ATN1: variants seen among roughly 807,000 people sequenced by gnomAD.
ATN1 encodes atrophin-1.
A neutral mutation model predicts 85.8 loss-of-function variants in ATN1; 19 were observed. That is an observed-to-expected ratio of 0.22 (90% confidence interval 0.15 to 0.32). The LOEUF is 0.32. Among genes scored for constraint, ATN1 ranks in the 10% least tolerant of loss-of-function variants. The pLI is 1.00. For missense variants in ATN1, 1,453 were observed against 1,564.5 expected (o/e 0.93, Z 1.20); for synonymous variants, 674 against 657.0 (o/e 1.03, Z -0.39).
intron 1 of ATN1, 71 bp from the exon 2 acceptor site, chr12:6,933,769 G>T: frequency 1.6e-6 from 1 of 606,354 alleles, no homozygotes; most frequent in Non-Finnish European, 2.9e-6. Context: ...TCAGTTCTCT[G>T]ACAAGCAGAA....
In ATN1 at chr12:6,938,857, G is replaced by T; in HGVS notation, c.2894G>T (p.Gly965Val). ...CTGGAACCCCTACATGGGGTCCCTG[G>T]GCCGGGCTTGGATCCCTTTCCCCGA... ...SELEPLHGVP[G>V]PGLDPFPRHG... The change falls in exon 7 of 10, where the codon GGG (glycine) becomes GTG (valine). Residue 965 changes from glycine to valine, a missense_variant. Coordinates refer to ENST00000396684, the MANE Select transcript of ATN1 (RefSeq NM_001940.4). 6.2e-7 allele frequency: 1 copy of T among 1,614,116 alleles called. No individual in the cohort carries two copies. Among genetic ancestry groups the T allele is most frequent in the Non-Finnish European group, 8.5e-7 (1 of 1,180,012 alleles).
intron 1 of ATN1, among the ~76,000 whole-genome samples, chr12:6,932,538 T>C (rs1945478706): frequency 6.6e-6 from 1 of 152,210 alleles, no homozygotes; most frequent in Non-Finnish European, 1.5e-5. Context: ...CAGCTGGCTA[T>C]AGGGATTTGG....
Position 6,934,118 on chromosome 12 carries a change from C to T in ATN1, c.28-58C>T. 6.2e-7 allele frequency: 1 copy of T among 1,613,806 alleles called. No homozygotes were observed. The highest frequency in any genetic ancestry group is 2.2e-5 in the East Asian group (1 of 44,876). The stretch of plus-strand genomic sequence containing the variant: ...GAGAAGAAGAACAAATAATGTGCAC[C>T]ATAAAGTTAGGTGCAATGTAAAGAA... On this transcript the variant is annotated intron_variant, in intron 2 of 9. Transcript: ENST00000396684. This position sits in a 1 kb window ranked among gnomAD's most constrained non-coding sequence, Gnocchi z 4.5.
intron 6 of ATN1, 142 bp from the exon 7 acceptor site, chr12:6,938,339 C>T (rs1945581525): frequency 7.5e-7 from 1 of 1,324,672 alleles, no homozygotes; most frequent in Non-Finnish European, 1.0e-6. Context: ...GGAGCGGGGG[C>T]CGCAGTTAAG....
At position 6,936,773 on chromosome 12, in the gene ATN1, G is replaced by GCAGCAGCAGCAGCAGCAT. The variant is rs782468714; in HGVS notation, c.1508_1509insGCAGCAGCAGCAGCATCA (p.Gln502_His503insGlnGlnGlnGlnGlnHis). The stretch of plus-strand genomic sequence containing the variant: ...AGCAGCAGCAGCAGCAGCAGCAGCA[G>GCAGCAGCAGCAGCAGCAT]CATCACGGAAACTCTGGGCCCCCTC... On this transcript the variant is annotated inframe_insertion, in exon 5 of 10. Transcript: ENST00000396684. The GCAGCAGCAGCAGCAGCAT allele has an allele frequency of 2.3e-5, 37 of 1,590,274 alleles. No homozygotes were observed. Among genetic ancestry groups the GCAGCAGCAGCAGCAGCAT allele is most frequent in the East Asian group, 4.5e-5 (2 of 44,028 alleles).
chr12:6,929,807 C>T (rs1945438828), intron 1 of ATN1, among the ~76,000 whole-genome samples: 1 of 152,238 alleles, frequency 6.6e-6, no homozygotes, highest in Non-Finnish European at 1.5e-5. Context: ...GCAGTTGGTT[C>T]TGACCTCTAC....
rs1230131817 is a variant in ATN1, at chr12:6,937,780, C to A, written c.2295-65C>A. 1.4e-6 allele frequency: 2 copies of A among 1,475,670 alleles called. No individual in the cohort carries two copies. The highest frequency in any genetic ancestry group is 1.4e-5 in the South Asian group (1 of 72,692). The allele number at this position is 1,475,670 out of a possible 1,614,324, so 91.4% of individuals were successfully genotyped here. A position where few individuals can be genotyped will look rare whatever the true frequency, so the allele number is the denominator to read the frequency against. Reference sequence around the variant, plus strand: ...GGGCTACAAGCACTCGCCGGGGCCGCGGCGCTGCGGGCTCCATCGGGCAGC... The same window carrying A: ...GGGCTACAAGCACTCGCCGGGGCCGAGGCGCTGCGGGCTCCATCGGGCAGC... On this transcript the variant is annotated intron_variant, in intron 5 of 9. Coordinates refer to ENST00000396684, the MANE Select transcript of ATN1 (RefSeq NM_001940.4). This position sits in a 1 kb window ranked among gnomAD's most constrained non-coding sequence, Gnocchi z 6.0.
In ATN1 at chr12:6,937,252, C is replaced by T. The variant is rs1555143930; in HGVS notation, c.1985C>T (p.Pro662Leu). The T allele has an allele frequency of 6.2e-7, 1 of 1,611,652 alleles. No homozygotes were observed. Among genetic ancestry groups the T allele is most frequent in the South Asian group, 1.1e-5 (1 of 91,028 alleles). The change falls in exon 5 of 10, where the codon CCT becomes CTT. Residue 662 changes from proline (P) to leucine (L), a missense_variant. Around this residue, in one of 6 missense-constraint regions of ATN1, gnomAD observed 990 missense variants for 914.8 expected, o/e 1.08. Transcript: ENST00000396684. This position sits in a 1 kb window ranked among gnomAD's most constrained non-coding sequence, Gnocchi z 6.0. ...CCACCCGGATACAAACCCGGGTCGC[C>T]TCCCTCCTTCCGAACGGGGACCCCA... ...ATPPGYKPGS[P>L]PSFRTGTPPG...
In ATN1 at chr12:6,937,445, C is replaced by T; in HGVS notation, c.2178C>T (p.Ile726=). Residue 726 remains isoleucine (I), a synonymous_variant, in exon 5 of 10, where the codon ATC becomes ATT. Coordinates refer to ENST00000396684, the MANE Select transcript of ATN1 (RefSeq NM_001940.4). The surrounding 1 kb of genome is among the most constrained non-coding windows in gnomAD (Gnocchi z 6.0). ...ASGPPLSATQ[I]KQEPAEEYET... ...GGCCGCCCCTGAGCGCCACGCAGAT[C>T]AAACAGGAGCCGGCTGAGGAGTATG... 2 of 1,547,426 alleles carry T rather than the reference C, an allele frequency of 1.3e-6. No homozygotes were observed. The highest frequency in any genetic ancestry group is 8.7e-7 in the Non-Finnish European group (1 of 1,147,300).
Position 6,935,775 on chromosome 12 carries a change from C to G in ATN1, c.508C>G (p.Gln170Glu). 2 of 1,613,896 alleles carry G rather than the reference C, an allele frequency of 1.2e-6. No homozygotes were observed. The highest frequency in any genetic ancestry group is 1.7e-6 in the Non-Finnish European group (2 of 1,179,850). The stretch of plus-strand genomic sequence containing the variant: ...ACCTCCACTCTTTCCTCCTTCCCCT[C>G]AACCGCCAGACAGCACCCCTCGACA... ...HPPPLFPPSP[Q>E]PPDSTPRQPE... Residue 170 changes from glutamine (Q) to glutamate (E), a missense_variant, in exon 5 of 10, where the codon CAA (glutamine) becomes GAA (glutamate). Physicochemically the swap from Gln to Glu is conservative, Grantham distance 29. This residue lies in a region of ATN1 where 990 missense variants were observed against 914.8 expected (regional missense o/e 1.08). Coordinates refer to ENST00000396684, the MANE Select transcript of ATN1 (RefSeq NM_001940.4). The surrounding 1 kb of genome is among the most constrained non-coding windows in gnomAD (Gnocchi z 5.3).
At position 6,936,687 on chromosome 12, in the gene ATN1, C is replaced by T. The variant is rs1032661597; in HGVS notation, c.1420C>T (p.Pro474Ser). The change falls in exon 5 of 10, where the codon CCA becomes TCA. Residue 474 changes from proline (P) to serine (S), a missense_variant. Transcript: ENST00000396684. Reference protein sequence around the residue: ...PSTGAQSTAHPPVSTHHHHHQ... With the variant: ...PSTGAQSTAHSPVSTHHHHHQ... ...TACTGGGGCCCAGTCCACCGCCCAC[C>T]CACCAGTCTCAACACATCACCATCA... 1.2e-6 allele frequency: 2 copies of T among 1,613,616 alleles called. No individual in the cohort carries two copies. The highest frequency in any genetic ancestry group is 1.7e-6 in the Non-Finnish European group (2 of 1,179,934).
Position 6,934,220 on chromosome 12 carries a change from G to C in ATN1, c.72G>C (p.Arg24=). Residue 24 remains arginine, a synonymous_variant, in exon 3 of 10, where the codon CGG becomes CGC. Coordinates refer to ENST00000396684, the MANE Select transcript of ATN1 (RefSeq NM_001940.4). This position sits in a 1 kb window ranked among gnomAD's most constrained non-coding sequence, Gnocchi z 4.5. ...SGRKKEAPGP[R]EELRSRGRAS... is the part of the protein sequence containing the mutation. ...GGAAGAAAGAGGCCCCTGGGCCCCGGGAAGAACTGAGATCGAGGGGCCGGG... is the reference window on the plus strand; with the variant it reads ...GGAAGAAAGAGGCCCCTGGGCCCCGCGAAGAACTGAGATCGAGGGGCCGGG... The C allele has an allele frequency of 3.1e-6, 5 of 1,594,100 alleles. No homozygotes were observed. Among genetic ancestry groups the C allele is most frequent in the Non-Finnish European group, 4.3e-6 (5 of 1,175,214 alleles).
upstream of ATN1, among the ~76,000 whole-genome samples, chr12:6,927,942 G>A (rs1945415318): frequency 6.7e-6 from 1 of 150,356 alleles, no homozygotes; most frequent in Non-Finnish European, 1.5e-5. Context: ...GACTGCCGGG[G>A]AAGGGGCGGG....
At position 6,933,982 on chromosome 12, in the gene ATN1, G is replaced by C. The variant is rs782288471; in HGVS notation, c.-20G>C. On this transcript the variant is annotated 5_prime_UTR_variant, in exon 2 of 10. Transcript: ENST00000396684. ...TCAGCTGCCCAGGCAGAGGAGAATG[G>C]GGTCTCCACAGCCTGAAGAATGAAG... 3.8e-6 allele frequency: 6 copies of C among 1,599,214 alleles called. No individual in the cohort carries two copies. The highest frequency in any genetic ancestry group is 1.1e-5 in the South Asian group (1 of 88,590).
chr12:6,927,916 G>C (rs1224529703), upstream of ATN1, among the ~76,000 whole-genome samples: 13 of 151,080 alleles, frequency 8.6e-5, no homozygotes, highest in South Asian at 2.1e-4. Flanking sequence ...GGGGCTAGGA[G>C]GGGGGAGAGG....
In ATN1 at chr12:6,937,952, A is replaced by G. The variant is rs1945573781; in HGVS notation, c.2402A>G (p.Glu801Gly). The change falls in exon 6 of 10, where the codon GAG (glutamate) becomes GGG (glycine). Residue 801 changes from glutamate (E) to glycine (G), a missense_variant. Transcript: ENST00000396684. The surrounding 1 kb of genome is among the most constrained non-coding windows in gnomAD (Gnocchi z 6.0). The stretch of plus-strand genomic sequence containing the variant: ...GCCAAGAAGCGGGCCGACCTGGTGG[A>G]GAAGGTGCGGCGCGAGGCCGAGCAG... ...KLAKKRADLV[E>G]KVRREAEQRA... 1 of 1,578,874 alleles carries G rather than the reference A, an allele frequency of 6.3e-7. No homozygotes were observed. The highest frequency in any genetic ancestry group is 1.4e-5 in the African/African-American group (1 of 73,782).
At position 6,937,726 on chromosome 12, in the gene ATN1, C is replaced by T; in HGVS notation, c.2295-119C>T. 1 of 1,449,658 alleles carries T rather than the reference C, an allele frequency of 6.9e-7. No individual in the cohort carries two copies. Among genetic ancestry groups the T allele is most frequent in the Non-Finnish European group, 9.1e-7 (1 of 1,104,570 alleles). The allele number at this position is 1,449,658 out of a possible 1,614,324, so 89.8% of individuals were successfully genotyped here. On this transcript the variant is annotated intron_variant, in intron 5 of 9. Coordinates refer to ENST00000396684, the MANE Select transcript of ATN1 (RefSeq NM_001940.4). This position sits in a 1 kb window ranked among gnomAD's most constrained non-coding sequence, Gnocchi z 6.0. The stretch of plus-strand genomic sequence containing the variant: ...GTGGCCAGTGAGGCCCGCAGCAGCT[C>T]ACAGCCTGCAGGGGTGGTTTTGAGG...
In ATN1 at chr12:6,935,176, CTG is replaced by C. The variant is rs1945516078; in HGVS notation, c.280-368_280-367del. On this transcript the variant is annotated intron_variant, in intron 4 of 9. Coordinates refer to ENST00000396684, the MANE Select transcript of ATN1 (RefSeq NM_001940.4). The surrounding 1 kb of genome is among the most constrained non-coding windows in gnomAD (Gnocchi z 5.3). ...GTGCTGGGATTACAGGTGTAAGCCT[CTG>C]TGCCCGGCCAGAAGTGGTATAAAAA... 2.0e-5 allele frequency among the ~76,000 whole-genome samples: 3 copies of C among 152,192 alleles called. No homozygotes were observed. Among genetic ancestry groups the C allele is most frequent in the African/African-American group, 7.2e-5 (3 of 41,442 alleles).
In ATN1 at chr12:6,941,653, A is replaced by G; in HGVS notation, c.3540-94A>G. ...GGGCACCGTGCTCCTGGGGGAGGGA[A>G]CCCCTCCTCTCCCAACCCCTTCGGT... On this transcript the variant is annotated intron_variant, in intron 9 of 9. Transcript: ENST00000396684. This position sits in a 1 kb window ranked among gnomAD's most constrained non-coding sequence, Gnocchi z 5.9. The G allele has an allele frequency of 6.3e-7, 1 of 1,584,044 alleles. No individual in the cohort carries two copies. Among genetic ancestry groups the G allele is most frequent in the Non-Finnish European group, 8.7e-7 (1 of 1,153,562 alleles).
Sources: allele counts gnomAD v4.1 joint callset (sites outside exome capture counted in the v4.1 genomes callset), GRCh38; gene constraint gnomAD v4.1.1; regional missense constraint gnomAD v4.1.1; non-coding constraint Gnocchi (gnomAD v3.1); transcripts MANE v1.5; gene names NCBI Gene and HGNC (gene_info 2026-07-23, HGNC 2026-07-21).